RAB9B: variants seen among roughly 807,000 people sequenced by gnomAD.
RAB9B encodes RAB9B, member RAS oncogene family.
RAB9B carries 1 observed loss-of-function variant against 8.9 expected under a neutral mutation model. The observed-to-expected ratio is 0.11, with a 90% CI of 0.04 to 0.53. The LOEUF (loss-of-function observed/expected upper bound fraction) is 0.53, where lower values mean the gene tolerates loss of function less well. RAB9B is among the 20% of genes least tolerant of loss of function. RAB9B has a pLI of 0.93. For synonymous variants in RAB9B, 63 were observed against 57.0 expected (o/e 1.10, Z -0.47); for missense variants, 82 against 152.9 (o/e 0.54, Z 2.45).
chrX:103,778,132 T>A, the RAB9B span, among the ~76,000 whole-genome samples: 1 of 112,233 alleles, frequency 8.9e-6, no homozygotes, highest in Non-Finnish European at 1.9e-5. Context: ...TTATGAACTA[T>A]GTGACCTTGG....
At chrX:103,815,977 A>T in the RAB9B span, among the ~76,000 whole-genome samples, 3 of 112,156 alleles carry the variant, frequency 2.7e-5, no homozygotes, top group Non-Finnish European at 5.6e-5. Flanking sequence ...GATATGAAGA[A>T]TCAATATCAT....
chrX:103,813,759 A>AC, the RAB9B span, among the ~76,000 whole-genome samples: 626 of 101,102 alleles, frequency 6.2e-3, 9 homozygotes, highest in African/African-American at 0.022. Flanking sequence ...AAAAAAAAAA[A>AC]AAAAAAAAAA....
chrX:103,804,987 C>T, the RAB9B span, among the ~76,000 whole-genome samples: 1 of 111,087 alleles, frequency 9.0e-6, no homozygotes, highest in East Asian at 2.8e-4. Flanking sequence ...ACTTTGGAGG[C>T]CTCTTGTATA....
chrX:103,809,750 T>C, the RAB9B span, among the ~76,000 whole-genome samples: 2 of 111,296 alleles, frequency 1.8e-5, no homozygotes, highest in African/African-American at 6.5e-5. Context: ...TAGTTCAAGC[T>C]GGGGCAGGCA....
chrX:103,815,392 C>T, the RAB9B span, among the ~76,000 whole-genome samples: 11 of 112,669 alleles, frequency 9.8e-5, no homozygotes, highest in African/African-American at 2.9e-4. Flanking sequence ...AATTCAACAG[C>T]ATTTCATGCT....
chrX:103,811,778 G>A, the RAB9B span, among the ~76,000 whole-genome samples: 621 of 110,876 alleles, frequency 5.6e-3, 5 homozygotes, highest in African/African-American at 0.019. Flanking sequence ...AGTCTTCTTA[G>A]GTGGCTATAA....
At chrX:103,827,974 T>C (rs1159932332) in intron 1 of RAB9B, among the ~76,000 whole-genome samples, 2 of 112,361 alleles carry the variant, frequency 1.8e-5, no homozygotes, top group Non-Finnish European at 3.8e-5. Flanking sequence ...GCAGTTCATC[T>C]GTCTTAAACA....
rs756993174 is a variant in RAB9B at position 103,823,324 on chromosome X, C to T, written c.*1855G>A. 1.8e-5 allele frequency: 2 copies of T among 111,593 alleles called. No homozygotes were observed. The highest frequency in any genetic ancestry group is 3.8e-5 in the Non-Finnish European group (2 of 53,155). The allele number at this position is 111,593 out of a possible 1,213,427, so 9.2% of individuals were successfully genotyped here. The stretch of plus-strand genomic sequence containing the variant: ...TCCCAGTTCTGGCTTTGACTTCTGG[C>T]GTCAAAGTTAATTGAACAATGGTGT... On this transcript the variant is annotated 3_prime_UTR_variant, in exon 3 of 3. Coordinates refer to ENST00000243298, the MANE Select transcript of RAB9B (RefSeq NM_016370.4).
At chrX:103,819,310 A>C (rs770946231), downstream of RAB9B, among the ~76,000 whole-genome samples, 3 of 111,930 alleles carry the variant, frequency 2.7e-5, no homozygotes, top group Non-Finnish European at 5.6e-5. Context: ...ACCATTATAC[A>C]TTTACCCATA....
chrX:103,784,372 C>G, the RAB9B span, among the ~76,000 whole-genome samples: 191 of 111,741 alleles, frequency 1.7e-3, no homozygotes, highest in African/African-American at 5.9e-3. Flanking sequence ...CAGCGTATAA[C>G]TGAGGGTGGG....
the RAB9B span, chrX:103,790,745 G>A: frequency 1.9e-6 from 1 of 531,167 alleles, no homozygotes; most frequent in East Asian, 3.4e-5. Context: ...GAGTCTTGCA[G>A]TGATTAAGGT....
the RAB9B span, among the ~76,000 whole-genome samples, chrX:103,781,592 A>G: frequency 1.8e-5 from 2 of 112,394 alleles, no homozygotes; most frequent in African/African-American, 6.5e-5. Context: ...AAAGAAAGGG[A>G]CTGGCCTTTT....
the RAB9B span, among the ~76,000 whole-genome samples, chrX:103,778,607 G>A: frequency 9.0e-6 from 1 of 111,700 alleles, no homozygotes; most frequent in Admixed American, 9.5e-5. Context: ...ACAATTGCCT[G>A]TTATGGAGGC....
At chrX:103,790,791 T>C in the RAB9B span, 61 of 454,296 alleles carry the variant, frequency 1.3e-4, no homozygotes, top group African/African-American at 1.4e-3. Context: ...GTACCTCTTT[T>C]AGTCATTTTG....
chrX:103,810,805 C>T, the RAB9B span, among the ~76,000 whole-genome samples: 3 of 112,011 alleles, frequency 2.7e-5, no homozygotes, highest in Non-Finnish European at 5.6e-5. Flanking sequence ...AATCATGCTT[C>T]TGCCACTTCC....
the RAB9B span, chrX:103,780,231 A>G: frequency 5.3e-5 from 6 of 112,646 alleles, no homozygotes; most frequent in Non-Finnish European, 9.4e-5. Context: ...TGCAACAAGG[A>G]GAGAGGAGGA....
At chrX:103,821,486 C>T (rs770808342), downstream of RAB9B, among the ~76,000 whole-genome samples, 2 of 111,396 alleles carry the variant, frequency 1.8e-5, no homozygotes, top group East Asian at 5.6e-4. Context: ...TGTAATGAAA[C>T]TATATATGCT....
chrX:103,797,065 A>C, the RAB9B span, among the ~76,000 whole-genome samples: 1 of 102,238 alleles, frequency 9.8e-6, no homozygotes, highest in East Asian at 3.1e-4. Context: ...TAAAAATAAA[A>C]AGGAATTTAG....
chrX:103,806,527 T>C, the RAB9B span, among the ~76,000 whole-genome samples: 1 of 111,949 alleles, frequency 8.9e-6, no homozygotes, highest in Non-Finnish European at 1.9e-5. Flanking sequence ...TAATCTATCC[T>C]GGAGAATGTT....
Sources: allele counts gnomAD v4.1 joint callset (sites outside exome capture counted in the v4.1 genomes callset), GRCh38; gene constraint gnomAD v4.1.1; transcripts MANE v1.5; gene names NCBI Gene and HGNC (gene_info 2026-07-23, HGNC 2026-07-21).